KIF6: variants seen among roughly 807,000 people sequenced by gnomAD.
KIF6 encodes the protein kinesin family member 6.
In KIF6, 106 loss-of-function variants were observed where a neutral mutation model predicts 112.7. The ratio of observed to expected loss-of-function variants is 0.94; its 90% CI spans 0.80 to 1.11. The LOEUF is 1.11. Among genes scored for constraint, KIF6 ranks in the 50% least tolerant of loss-of-function variants. KIF6 has a pLI of 0.00. For synonymous variants in KIF6, 339 were observed against 339.9 expected (o/e 1.00, Z 0.03); for missense variants, 929 against 964.0 (o/e 0.96, Z 0.48).
chr6:39,396,738 C>T (rs115954688), intron 15 of KIF6, among the ~76,000 whole-genome samples: 4,050 of 152,248 alleles, frequency 0.027, 78 homozygotes, highest in Non-Finnish European at 0.039. Flanking sequence ...ATAAAGCCCC[C>T]AGCACAGTGC....
intron 19 of KIF6, among the ~76,000 whole-genome samples, chr6:39,349,206 A>G (rs1445430891): frequency 6.6e-6 from 1 of 152,190 alleles, no homozygotes; most frequent in African/African-American, 2.4e-5. Context: ...GGAATACCTA[A>G]GGAATCTCCA....
chr6:39,633,414 A>G (rs530171869), intron 5 of KIF6, among the ~76,000 whole-genome samples: 9 of 152,292 alleles, frequency 5.9e-5, no homozygotes, highest in African/African-American at 2.2e-4. Context: ...AGTCTTAGGT[A>G]AGTTATTTCA....
intron 13 of KIF6, among the ~76,000 whole-genome samples, chr6:39,502,230 C>G (rs1776174605): frequency 6.6e-6 from 1 of 151,920 alleles, no homozygotes; most frequent in African/African-American, 2.4e-5. Context: ...TTCATATTGA[C>G]CAAACTAAGC....
rs553823774 is a variant in KIF6 at position 39,363,916 on chromosome 6, G to C, written c.1862-1398C>G. ...GGATGAGGAGCTCACTACTTTGCAGGGTAGTGCATTTCATGGCGGACAGCT... is the reference window on the plus strand; with the variant it reads ...GGATGAGGAGCTCACTACTTTGCAGCGTAGTGCATTTCATGGCGGACAGCT... On this transcript the variant is annotated intron_variant, in intron 16 of 22. Transcript: ENST00000287152. Among the ~76,000 whole-genome samples, 10 of 152,200 alleles carry C rather than the reference G, an allele frequency of 6.6e-5. No homozygotes were observed. The East Asian group carries it at 1.9e-3, about 29-fold the overall frequency.
chr6:39,654,854 C>G (rs913655800), intron 3 of KIF6, among the ~76,000 whole-genome samples: 1 of 152,222 alleles, frequency 6.6e-6, no homozygotes, highest in African/African-American at 2.4e-5. Context: ...TTTTTATACT[C>G]TAAGTCTGTA....
In KIF6 at chr6:39,699,968, G is replaced by A. The variant is rs574573121; in HGVS notation, c.251+14724C>T. Among the ~76,000 whole-genome samples the A allele has an allele frequency of 3.3e-5, 5 of 152,140 alleles. No individual in the cohort carries two copies. In the South Asian group the frequency reaches 1.0e-3, roughly 31 times the overall value. On this transcript the variant is annotated intron_variant, in intron 3 of 22. Coordinates refer to ENST00000287152, the MANE Select transcript of KIF6 (RefSeq NM_145027.6). Reference sequence around the variant, plus strand: ...TGTCAATTATTTTTGATACATTCCAGCTCACAAATCATTTTTTCTGATTTT... The same window carrying A: ...TGTCAATTATTTTTGATACATTCCAACTCACAAATCATTTTTTCTGATTTT...
chr6:39,460,532 A>C (rs1300524776), intron 13 of KIF6, among the ~76,000 whole-genome samples: 1 of 142,252 alleles, frequency 7.0e-6, no homozygotes, highest in Non-Finnish European at 1.5e-5. Flanking sequence ...AATAAAAAAA[A>C]AAGTAAAAAA....
At chr6:39,340,846 T>G (rs1470855367) in intron 22 of KIF6, among the ~76,000 whole-genome samples, 1 of 152,090 alleles carries the variant, frequency 6.6e-6, no homozygotes, top group African/African-American at 2.4e-5. Flanking sequence ...AGATATTGCT[T>G]GCTTGTAGGC....
intron 3 of KIF6, among the ~76,000 whole-genome samples, chr6:39,666,807 C>T (rs1786490054): frequency 6.6e-6 from 1 of 152,134 alleles, no homozygotes; most frequent in South Asian, 2.1e-4. Context: ...TTTCTATGAT[C>T]TTTGAAACAC....
Position 39,369,393 on chromosome 6 carries a change from C to T in KIF6, c.1862-6875G>A, listed in dbSNP as rs735792. The stretch of plus-strand genomic sequence containing the variant: ...CTCACCCCCACTGCCACAGACCCTG[C>T]GCTCACTGCCACTGCCTTCCCCTCA... On this transcript the variant is annotated intron_variant, in intron 16 of 22. Transcript: ENST00000287152. 4.6e-3 allele frequency among the ~76,000 whole-genome samples: 699 copies of T among 152,292 alleles called. 5 individuals carry two copies. Among genetic ancestry groups the T allele is most frequent in the African/African-American group, 0.016 (647 of 41,562 alleles).
At chr6:39,577,948 C>T (rs182134398) in intron 10 of KIF6, 108 bp downstream of exon 10, 30 of 725,624 alleles carry the variant, frequency 4.1e-5, no homozygotes, top group Non-Finnish European at 2.3e-6. Flanking sequence ...TCAGACTGTC[C>T]CAGGAGACCT....
chr6:39,338,040 G>A (rs112374887), intron 22 of KIF6, among the ~76,000 whole-genome samples: 5 of 152,310 alleles, frequency 3.3e-5, no homozygotes, highest in South Asian at 2.1e-4. Flanking sequence ...AAAACCTGTC[G>A]ATTCATTAGC....
chr6:39,480,176 T>C (rs4413598), intron 13 of KIF6, among the ~76,000 whole-genome samples: 13,741 of 152,198 alleles, frequency 0.09, 872 homozygotes, highest in East Asian at 0.25. Flanking sequence ...TGTATAATGT[T>C]GGCTGTGGGT....
intron 12 of KIF6, among the ~76,000 whole-genome samples, chr6:39,541,033 G>A (rs145880502): frequency 6.6e-6 from 1 of 152,294 alleles, no homozygotes; most frequent in East Asian, 1.9e-4. Context: ...GAATCTCAGA[G>A]CTCTAACTGC....
chr6:39,555,306 C>T (rs1779634715), intron 10 of KIF6, among the ~76,000 whole-genome samples: 1 of 152,178 alleles, frequency 6.6e-6, no homozygotes, highest in African/African-American at 2.4e-5. Context: ...CCCGGCCAGC[C>T]CAATGTCCTG....
At chr6:39,486,495 C>T (rs1383535452) in intron 13 of KIF6, among the ~76,000 whole-genome samples, 1 of 152,176 alleles carries the variant, frequency 6.6e-6, no homozygotes, top group African/African-American at 2.4e-5. Flanking sequence ...TCTAAATTCC[C>T]AATACACAAA....
intron 15 of KIF6, among the ~76,000 whole-genome samples, chr6:39,395,198 C>A (rs1453063091): frequency 6.6e-6 from 1 of 152,236 alleles, no homozygotes. Context: ...ACAAGATTAG[C>A]ACGTTCTGCC....
At chr6:39,715,782 T>C (rs906358407) in intron 2 of KIF6, among the ~76,000 whole-genome samples, 1 of 152,198 alleles carries the variant, frequency 6.6e-6, no homozygotes, top group African/African-American at 2.4e-5. Flanking sequence ...CTGGCTAGTA[T>C]GTCATTTAGC....
chr6:39,367,971 A>T (rs1257638410), intron 16 of KIF6, among the ~76,000 whole-genome samples: 1 of 152,110 alleles, frequency 6.6e-6, no homozygotes, highest in Non-Finnish European at 1.5e-5. Flanking sequence ...TCCAATGCTC[A>T]CCCCTTGTTA....
Sources: allele counts gnomAD v4.1 joint callset (sites outside exome capture counted in the v4.1 genomes callset), GRCh38; gene constraint gnomAD v4.1.1; transcripts MANE v1.5; gene names NCBI Gene and HGNC (gene_info 2026-07-23, HGNC 2026-07-21).